Variants in PPM1L observed in about 807,000 individuals in gnomAD.
PPM1L encodes protein phosphatase 1L.
In PPM1L, 13 loss-of-function variants were observed where a neutral mutation model predicts 31.4. The ratio of observed to expected loss-of-function variants is 0.41; its 90% confidence interval spans 0.27 to 0.66. The LOEUF (loss-of-function observed/expected upper bound fraction) is 0.66, where lower values mean the gene tolerates loss of function less well. Among genes scored for constraint, PPM1L ranks in the 30% least tolerant of loss-of-function variants. The pLI is 0.29. For synonymous variants in PPM1L, 184 were observed against 175.4 expected, an observed-to-expected ratio of 1.05 and a Z score of -0.39; for missense variants, 326 against 453.7, an observed-to-expected ratio of 0.72 and a Z score of 2.56.
chr3:160,928,411 C>T (rs1714672056), intron 1 of PPM1L, among the ~76,000 whole-genome samples: 3 of 152,196 alleles, frequency 2.0e-5, no homozygotes, highest in Admixed American at 2.0e-4. Flanking sequence ...ACAGGGCCAA[C>T]TAGAGTCTTC....
chr3:161,054,560 AC>A (rs1297829325), intron 2 of PPM1L, among the ~76,000 whole-genome samples: 2 of 152,062 alleles, frequency 1.3e-5, no homozygotes, highest in African/African-American at 4.8e-5. Context: ...ATGAAGACAT[AC>A]CTTTTTCTGG....
In PPM1L at chr3:160,824,195, G is replaced by A. The variant is rs79769762; in HGVS notation, c.399+67488G>A. Among the ~76,000 whole-genome samples, 1,000 of 152,130 alleles carry A rather than the reference G, an allele frequency of 6.6e-3. 11 individuals carry two copies. The highest frequency in any genetic ancestry group is 0.022 in the African/African-American group (903 of 41,518). On this transcript the variant is annotated intron_variant, in intron 1 of 3. Coordinates refer to ENST00000498165, the MANE Select transcript of PPM1L (RefSeq NM_139245.4). ...GTGTGCCCTTCCTTAAAAGAAGAGG[G>A]TGGAGAGTTAGTTTGCTTTCTGCCA...
At chr3:160,866,941 C>T (rs766179205) in intron 1 of PPM1L, among the ~76,000 whole-genome samples, 35 of 152,224 alleles carry the variant, frequency 2.3e-4, no homozygotes, top group Non-Finnish European at 3.8e-4. Context: ...ACCTCCTGGT[C>T]TCAAGCAATT....
chr3:160,803,444 T>G (rs1007120875), intron 1 of PPM1L, among the ~76,000 whole-genome samples: 1 of 140,128 alleles, frequency 7.1e-6, no homozygotes. Flanking sequence ...CAAGTTTAGA[T>G]AAAACAATGA....
In PPM1L at chr3:160,977,229, T is replaced by G. The variant is rs373298135; in HGVS notation, c.574+15319T>G. Among the ~76,000 whole-genome samples, 32 of 152,374 alleles carry G rather than the reference T, an allele frequency of 2.1e-4. 7 individuals carry two copies. The highest frequency in any genetic ancestry group is 1.7e-3 in the East Asian group (9 of 5,188). ...TGGCTTAGGCCATTTCTGATGAAGC[T>G]GGTTTGATAAGGAGTTTCTTTAGTA... On this transcript the variant is annotated intron_variant, in intron 2 of 3. Transcript: ENST00000498165.
chr3:161,057,533 C>T (rs999395192), intron 2 of PPM1L, among the ~76,000 whole-genome samples: 2 of 151,978 alleles, frequency 1.3e-5, no homozygotes, highest in African/African-American at 2.4e-5. Context: ...ATAGAAAGCC[C>T]GGGAGCACAG....
chr3:161,048,618 GA>G (rs1417237623), intron 2 of PPM1L, among the ~76,000 whole-genome samples: 1 of 152,098 alleles, frequency 6.6e-6, no homozygotes, highest in Non-Finnish European at 1.5e-5. Context: ...CTGCTGTAAA[GA>G]CACATGCACA....
intron 1 of PPM1L, among the ~76,000 whole-genome samples, chr3:160,831,690 G>A (rs559555675): frequency 6.6e-6 from 1 of 152,168 alleles, no homozygotes; most frequent in Admixed American, 6.5e-5. Context: ...AAGGCTGTTT[G>A]TGAGGAGTTC....
chr3:160,933,057 T>C (rs913802619), intron 1 of PPM1L, among the ~76,000 whole-genome samples: 6 of 152,206 alleles, frequency 3.9e-5, no homozygotes, highest in African/African-American at 1.4e-4. Flanking sequence ...GAAGGGAGTA[T>C]GATTAACACA....
intron 1 of PPM1L, among the ~76,000 whole-genome samples, chr3:160,767,402 T>C (rs1290779725): frequency 6.6e-6 from 1 of 151,878 alleles, no homozygotes; most frequent in African/African-American, 2.4e-5. Flanking sequence ...CCTGGCTAAT[T>C]TTTTGTATTT....
rs1039323299 is a variant in PPM1L at position 160,756,998 on chromosome 3, C to A, written c.399+291C>A. Reference sequence around the variant, plus strand: ...GCTACTTAATGTGAGGTTCCCAAGGCCGGAACCCAGAAAACACTGTGCTAG... The same window carrying A: ...GCTACTTAATGTGAGGTTCCCAAGGACGGAACCCAGAAAACACTGTGCTAG... On this transcript the variant is annotated intron_variant, in intron 1 of 3. Transcript: ENST00000498165. The surrounding 1 kb of genome is among the most constrained non-coding windows in gnomAD (Gnocchi z 6.2). Among the ~76,000 whole-genome samples the A allele has an allele frequency of 5.9e-5, 9 of 152,070 alleles. No individual in the cohort carries two copies. The highest frequency in any genetic ancestry group is 1.7e-4 in the African/African-American group (7 of 41,382).
At chr3:161,055,207 T>G (rs1243899275) in intron 2 of PPM1L, among the ~76,000 whole-genome samples, 1 of 152,168 alleles carries the variant, frequency 6.6e-6, no homozygotes, top group Non-Finnish European at 1.5e-5. Context: ...CTGACAAGTC[T>G]TTCTATGCCA....
intron 1 of PPM1L, among the ~76,000 whole-genome samples, chr3:160,851,279 C>A (rs1711513230): frequency 6.6e-6 from 1 of 152,104 alleles, no homozygotes; most frequent in Non-Finnish European, 1.5e-5. Flanking sequence ...TTTACTTAAG[C>A]AGATGTGTTT....
chr3:160,858,638 T>C (rs1358362193), intron 1 of PPM1L, among the ~76,000 whole-genome samples: 1 of 152,198 alleles, frequency 6.6e-6, no homozygotes, highest in African/African-American at 2.4e-5. Context: ...CCTTTACTTA[T>C]TAGTTATATT....
chr3:160,886,013 C>T (rs976766341), intron 1 of PPM1L, among the ~76,000 whole-genome samples: 1 of 152,198 alleles, frequency 6.6e-6, no homozygotes, highest in African/African-American at 2.4e-5. Flanking sequence ...TTGCTTTTCC[C>T]CTGCTGGAGC....
rs1720117721 is a variant in PPM1L, at chr3:161,076,862, T to C, written c.*7705T>C. The C allele has an allele frequency of 6.6e-6, 1 of 152,246 alleles. No homozygotes were observed. Among genetic ancestry groups the C allele is most frequent in the South Asian group, 2.1e-4 (1 of 4,834 alleles). The allele number at this position is 152,246 out of a possible 1,614,324, so 9.4% of individuals were successfully genotyped here. On this transcript the variant is annotated 3_prime_UTR_variant, in exon 4 of 4. Transcript: ENST00000498165. ...AAGGAAAATGTATGAGTTTTTTTCT[T>C]AAAAATAAATAGAAGCATCATTGCA...
chr3:160,761,638 A>G (rs1714970987), intron 1 of PPM1L, among the ~76,000 whole-genome samples: 1 of 152,180 alleles, frequency 6.6e-6, no homozygotes, highest in Non-Finnish European at 1.5e-5. Flanking sequence ...AGGACAGTTT[A>G]TCTTTCCTAC....
intron 2 of PPM1L, among the ~76,000 whole-genome samples, chr3:161,023,865 A>G (rs913420177): frequency 1.3e-5 from 2 of 152,072 alleles, no homozygotes; most frequent in African/African-American, 4.8e-5. Context: ...TAGAGGTAAT[A>G]AATTAGGGCC....
chr3:160,970,787 A>ATTCTTTTTTTTTTTTTTT (rs1360956984), intron 2 of PPM1L, among the ~76,000 whole-genome samples: 3 of 97,198 alleles, frequency 3.1e-5, no homozygotes, highest in African/African-American at 1.3e-4. Context: ...TTCAGTTATA[A>ATTCTTTTTTTTTTTTTTT]TTTTTTTTTT....
Sources: gnomAD v4.1 joint callset for allele counts (sites outside exome capture counted in the v4.1 genomes callset) on GRCh38, gnomAD v4.1.1 for gene constraint, Gnocchi (gnomAD v3.1) non-coding constraint, MANE v1.5 for transcripts, NCBI Gene and HGNC (gene_info 2026-07-23, HGNC 2026-07-21) for gene names.